ACBD5: variants seen among roughly 807,000 people sequenced by gnomAD.
The protein encoded by ACBD5 is acyl-CoA-binding domain-containing protein 5.
In ACBD5, 40 loss-of-function variants were observed where a neutral mutation model predicts 71.8. That is an observed-to-expected ratio of 0.56 (90% CI 0.43 to 0.72). The LOEUF (loss-of-function observed/expected upper bound fraction) is 0.72, where lower values mean the gene tolerates loss of function less well. ACBD5 is among the 30% of genes least tolerant of loss of function. ACBD5 has a pLI of 0.00. For missense variants in ACBD5, 559 were observed against 644.5 expected (o/e 0.87, Z 1.44); for synonymous variants, 229 against 218.6 (o/e 1.05, Z -0.42).
chr10:27,238,549 C>CT (rs1392392446), intron 2 of ACBD5, among the ~76,000 whole-genome samples: 10 of 152,136 alleles, frequency 6.6e-5, no homozygotes, highest in Non-Finnish European at 1.2e-4. Flanking sequence ...TAAGTTCATG[C>CT]TTTTTTTTAT....
In ACBD5 at chr10:27,227,044, T is replaced by C. The variant is rs546825596; in HGVS notation, c.376-3592A>G. Among the ~76,000 whole-genome samples the C allele has an allele frequency of 5.7e-3, 550 of 95,996 alleles. 3 individuals carry two copies. The highest frequency in any genetic ancestry group is 0.022 in the African/African-American group (529 of 23,924). The allele number at this position is 95,996 out of a possible 152,430, so 63.0% of individuals were successfully genotyped here. A position where few individuals can be genotyped will look rare whatever the true frequency, so the allele number is the denominator to read the frequency against. On this transcript the variant is annotated intron_variant, in intron 4 of 12. Transcript: ENST00000396271. ...TTTTTTTTTTTTTTAGTTCACCAAC[T>C]ATTGTTAGTATCAGTGTATTTTATG... is the stretch of plus-strand genomic sequence containing the variant.
downstream of ACBD5, among the ~76,000 whole-genome samples, chr10:27,191,580 A>G (rs773398222): frequency 2.0e-5 from 3 of 152,114 alleles, no homozygotes; most frequent in Non-Finnish European, 4.4e-5. Flanking sequence ...TGTAAACCTA[A>G]AACAGTTCTA....
chr10:27,189,850 AAG>A (rs2059006425), intron 13 of ACBD5, among the ~76,000 whole-genome samples: 1 of 151,894 alleles, frequency 6.6e-6, no homozygotes, highest in Non-Finnish European at 1.5e-5. Context: ...AAAGAGTAAA[AAG>A]AAAAAATAAG....
chr10:27,183,430 T>C (rs957299184), intron 13 of ACBD5, among the ~76,000 whole-genome samples: 75 of 151,992 alleles, frequency 4.9e-4, no homozygotes, highest in African/African-American at 1.8e-3. Context: ...ACTACAGGCA[T>C]GTGCCACCAC....
At chr10:27,206,639 C>T (rs972122454) in intron 10 of ACBD5, among the ~76,000 whole-genome samples, 8 of 151,954 alleles carry the variant, frequency 5.3e-5, no homozygotes, top group Non-Finnish European at 1.2e-4. Flanking sequence ...CCTCAGCCTC[C>T]TGAGTAGCTG....
intron 4 of ACBD5, among the ~76,000 whole-genome samples, chr10:27,224,551 A>G (rs2062770055): frequency 6.6e-6 from 1 of 152,242 alleles, no homozygotes; most frequent in Non-Finnish European, 1.5e-5. Flanking sequence ...ACACCTTCAT[A>G]AATATGGGCC....
chr10:27,198,203 G>A (rs1202165198), intron 12 of ACBD5, among the ~76,000 whole-genome samples: 3 of 152,196 alleles, frequency 2.0e-5, no homozygotes, highest in Admixed American at 6.5e-5. Flanking sequence ...AGAGATAAAT[G>A]AGGCAGGCTC....
At chr10:27,209,924 A>G (rs1185363419) in intron 9 of ACBD5, among the ~76,000 whole-genome samples, 1 of 152,194 alleles carries the variant, frequency 6.6e-6, no homozygotes, top group African/African-American at 2.4e-5. Context: ...GATGAGTTCA[A>G]ATTTTTTCTG....
intron 4 of ACBD5, among the ~76,000 whole-genome samples, chr10:27,230,979 T>C (rs2138114434): frequency 6.6e-6 from 1 of 152,292 alleles, no homozygotes; most frequent in South Asian, 2.1e-4. Context: ...GAAGGATCTA[T>C]GTACTCACAG....
rs952833008 is a variant in ACBD5 at position 27,223,361 on chromosome 10, C to A, written c.467G>T (p.Gly156Val). The A allele has an allele frequency of 2.5e-6, 4 of 1,613,566 alleles. No homozygotes were observed. Among genetic ancestry groups the A allele is most frequent in the Non-Finnish European group, 3.4e-6 (4 of 1,179,804 alleles). Reference protein sequence around the residue: ...FYEIVEDKKSGRSSDITSDLG... With the variant: ...FYEIVEDKKSVRSSDITSDLG... ...ACCTGAGGTTATATCAGAACTCCTG[C>A]CACTCTTTTTGTCCTCGACAATTTC... The change falls in exon 5 of 13, where the codon GGC becomes GTC. Residue 156 changes from glycine (G) to valine (V), a missense_variant. Physicochemically the swap from Gly to Val is moderately radical, Grantham distance 109. Coordinates refer to ENST00000396271, the MANE Select transcript of ACBD5 (RefSeq NM_145698.5).
rs751409144 is a variant in ACBD5, at chr10:27,204,412, C to A, written c.1565+28G>T. On this transcript the variant is annotated intron_variant, in intron 12 of 12. Coordinates refer to ENST00000396271, the MANE Select transcript of ACBD5 (RefSeq NM_145698.5). ...TACTATAGGTTATGAGAGTTATACA[C>A]CATTTCAAATGATGAAACTGGTCTT... 8 of 1,534,478 alleles carry A rather than the reference C, an allele frequency of 5.2e-6. No homozygotes were observed. The Admixed American group carries it at 1.0e-4, about 19-fold the overall frequency.
chr10:27,205,817 A>G (rs2060418095), intron 10 of ACBD5, among the ~76,000 whole-genome samples: 1 of 151,988 alleles, frequency 6.6e-6, no homozygotes, highest in African/African-American at 2.4e-5. Flanking sequence ...GGCATGAACC[A>G]CCATGCCTGG....
intron 5 of ACBD5, 51 bp downstream of exon 5, chr10:27,223,287 T>A (rs1226771727): frequency 1.5e-6 from 2 of 1,293,040 alleles, no homozygotes; most frequent in Non-Finnish European, 1.1e-6. Context: ...AATATTAATA[T>A]GTGCATAATA....
In ACBD5 at chr10:27,240,548, G is replaced by C; in HGVS notation, c.16-64C>G. On this transcript the variant is annotated intron_variant, in intron 1 of 12. Transcript: ENST00000396271. The surrounding 1 kb of genome is among the most constrained non-coding windows in gnomAD (Gnocchi z 4.1). ...AAAGGAGGAGGCCCGGGAGCGAAGC[G>C]GGTCAGTTCCCCTTTGCCCTGCCCT... is the stretch of plus-strand genomic sequence containing the variant. 1 of 1,550,478 alleles carries C rather than the reference G, an allele frequency of 6.4e-7. No individual in the cohort carries two copies.
At chr10:27,228,701 T>A (rs1238891487) in intron 4 of ACBD5, among the ~76,000 whole-genome samples, 1 of 149,984 alleles carries the variant, frequency 6.7e-6, no homozygotes, top group Non-Finnish European at 1.5e-5. Flanking sequence ...ATTAAAATAA[T>A]GTTTTATTCC....
chr10:27,235,556 A>C (rs562649179), intron 2 of ACBD5, among the ~76,000 whole-genome samples: 2 of 152,256 alleles, frequency 1.3e-5, no homozygotes, highest in Non-Finnish European at 2.9e-5. Context: ...AATCGTAATA[A>C]GGTACTTTTA....
At chr10:27,204,136 C>T (rs1277652870) in intron 12 of ACBD5, among the ~76,000 whole-genome samples, 1 of 36,564 alleles carries the variant, frequency 2.7e-5, no homozygotes, top group Non-Finnish European at 4.6e-5. Flanking sequence ...GGGACCCAGT[C>T]TCAAAAAAAA....
chr10:27,208,858 C>A (rs1487040193), intron 9 of ACBD5, among the ~76,000 whole-genome samples: 1 of 151,942 alleles, frequency 6.6e-6, no homozygotes, highest in Non-Finnish European at 1.5e-5. Flanking sequence ...AAAAAAACTT[C>A]CAACGTGGAG....
chr10:27,191,760 G>C (rs1330677987), downstream of ACBD5, among the ~76,000 whole-genome samples: 4 of 152,060 alleles, frequency 2.6e-5, no homozygotes, highest in Non-Finnish European at 5.9e-5. Flanking sequence ...GGTGGTGGGT[G>C]CTAATGATCC....
Sources: gnomAD v4.1 joint callset for allele counts (sites outside exome capture counted in the v4.1 genomes callset) on GRCh38, gnomAD v4.1.1 for gene constraint, Gnocchi (gnomAD v3.1) non-coding constraint, MANE v1.5 for transcripts, NCBI Gene and HGNC (gene_info 2026-07-23, HGNC 2026-07-21) for gene names.